Variants in EIF2AK2 observed in about 807,000 individuals in gnomAD.
EIF2AK2 encodes interferon-induced, double-stranded RNA-activated protein kinase.
Under a neutral mutation model 70.5 loss-of-function variants are expected in EIF2AK2, and 40 were observed. The observed-to-expected ratio is 0.57, with a 90% confidence interval of 0.44 to 0.74. The LOEUF (loss-of-function observed/expected upper bound fraction) is 0.74, where lower values mean the gene tolerates loss of function less well. EIF2AK2 is among the 30% of genes least tolerant of loss of function. The pLI, the probability that EIF2AK2 is intolerant of heterozygous loss-of-function variation, is 0.00. For missense variants in EIF2AK2, 555 were observed against 644.3 expected (o/e 0.86, Z 1.50); for synonymous variants, 198 against 220.9 (o/e 0.90, Z 0.92).
chr2:37,124,003 T>A (rs1490046324), intron 11 of EIF2AK2, among the ~76,000 whole-genome samples: 1 of 151,240 alleles, frequency 6.6e-6, no homozygotes, highest in African/African-American at 2.5e-5. Context: ...AGGGTCTCAC[T>A]CTGTCACCCA....
chr2:37,135,408 C>T, intron 10 of EIF2AK2, 76 bp downstream of exon 10: 1 of 1,176,130 alleles, frequency 8.5e-7, no homozygotes. Context: ...GGATCATGGC[C>T]ATTTCACAGA....
At chr2:37,144,825 A>G (rs1003566992) in intron 4 of EIF2AK2, among the ~76,000 whole-genome samples, 1 of 151,514 alleles carries the variant, frequency 6.6e-6, no homozygotes, top group South Asian at 2.1e-4. Flanking sequence ...CAAGTGATCC[A>G]CCTACCTTGA....
intron 1 of EIF2AK2, among the ~76,000 whole-genome samples, chr2:37,154,666 T>A (rs1675859887): frequency 6.6e-6 from 1 of 152,066 alleles, no homozygotes; most frequent in East Asian, 1.9e-4. Context: ...GTTCAAGCGA[T>A]TCTCCTGCCT....
chr2:37,150,121 T>A (rs1357633262), intron 1 of EIF2AK2, among the ~76,000 whole-genome samples: 1 of 147,950 alleles, frequency 6.8e-6, no homozygotes, highest in Non-Finnish European at 1.5e-5. Context: ...AAGATAAATA[T>A]GTCCCAGAGG....
At chr2:37,129,015 G>A (rs914204025) in intron 10 of EIF2AK2, among the ~76,000 whole-genome samples, 2 of 151,890 alleles carry the variant, frequency 1.3e-5, no homozygotes, top group African/African-American at 2.4e-5. Context: ...TCTAGAGAAG[G>A]TCAAACTTTT....
At chr2:37,151,040 G>A (rs1675723661) in intron 1 of EIF2AK2, among the ~76,000 whole-genome samples, 1 of 152,168 alleles carries the variant, frequency 6.6e-6, no homozygotes, top group Non-Finnish European at 1.5e-5. Context: ...TGGATTTGGT[G>A]ATAAAATTTT....
rs1673815504 is a variant in EIF2AK2 at position 37,101,037 on chromosome 2, A to C, written c.*6236T>G. The C allele has an allele frequency of 3.3e-5, 5 of 152,186 alleles. No homozygotes were observed. Among genetic ancestry groups the C allele is most frequent in the Admixed American group, 3.3e-4 (5 of 15,278 alleles). 9.4% of individuals were successfully genotyped at this position (152,186 alleles called of 1,614,324 possible). A position where few individuals can be genotyped will look rare whatever the true frequency, so the allele number is the denominator to read the frequency against. On this transcript the variant is annotated 3_prime_UTR_variant, in exon 17 of 17. Transcript: ENST00000233057. The stretch of plus-strand genomic sequence containing the variant: ...TAATCTTTGATGCTTACCTTTCCTT[A>C]ATCCCCACATCCAATTAGTTGCCAA...
Position 37,149,148 on chromosome 2 carries a change from G to A in EIF2AK2, c.-183-125C>T, listed in dbSNP as rs2254958. Reference sequence around the variant, plus strand: ...CCTGATTTTTATTGGGATGGACCTCGATGCCTCGATGAAGATTGTTTAGGA... The same window carrying A: ...CCTGATTTTTATTGGGATGGACCTCAATGCCTCGATGAAGATTGTTTAGGA... On this transcript the variant is annotated intron_variant, in intron 1 of 16. Coordinates refer to ENST00000233057, the MANE Select transcript of EIF2AK2 (RefSeq NM_001135651.3). The A allele has an allele frequency of 0.4, 381,266 of 949,826 alleles. 83,223 individuals are homozygous for A. The highest frequency in any genetic ancestry group is 0.8 in the East Asian group (33,343 of 41,880). 58.8% of individuals were successfully genotyped at this position (949,826 alleles called of 1,614,324 possible).
intron 11 of EIF2AK2, 147 bp downstream of exon 11, chr2:37,126,142 C>A (rs1674720583): frequency 2.8e-6 from 3 of 1,088,628 alleles, no homozygotes; most frequent in Non-Finnish European, 3.7e-6. Context: ...TCGGAGTAAG[C>A]CAAACTCCTC....
At chr2:37,133,529 C>T (rs1050465698) in intron 10 of EIF2AK2, among the ~76,000 whole-genome samples, 6 of 152,180 alleles carry the variant, frequency 3.9e-5, no homozygotes, top group African/African-American at 1.4e-4. Context: ...CCTCACTACA[C>T]CCACAGCAGC....
At chr2:37,121,612 G>T (rs1029116624) in intron 12 of EIF2AK2, among the ~76,000 whole-genome samples, 4 of 147,696 alleles carry the variant, frequency 2.7e-5, no homozygotes, top group Admixed American at 6.7e-5. Context: ...TAAATTGGAG[G>T]CTTGATTTTT....
rs1572992397 is a variant in EIF2AK2, at chr2:37,104,631, T to C, written c.*2642A>G. On this transcript the variant is annotated 3_prime_UTR_variant, in exon 17 of 17. Transcript: ENST00000233057. ...CTACTGCGTCCAGCTTTTGTCTTTT[T>C]AAATATCCAGAATACAATAAAGATT... The C allele has an allele frequency of 6.6e-6, 1 of 152,214 alleles. No individual in the cohort carries two copies. Among genetic ancestry groups the C allele is most frequent in the South Asian group, 2.1e-4 (1 of 4,818 alleles). 9.4% of individuals were successfully genotyped at this position (152,214 alleles called of 1,614,324 possible).
At chr2:37,132,533 G>A (rs944292775) in intron 10 of EIF2AK2, among the ~76,000 whole-genome samples, 4 of 152,192 alleles carry the variant, frequency 2.6e-5, no homozygotes, top group East Asian at 1.9e-4. Flanking sequence ...AGATTGCAGT[G>A]AGCTGAGATC....
chr2:37,135,359 C>G, intron 10 of EIF2AK2, 125 bp downstream of exon 10: 1 of 752,250 alleles, frequency 1.3e-6, no homozygotes. Context: ...TTGTTCTTAC[C>G]CTGCGTAGTT....
chr2:37,153,017 A>C (rs546164717), intron 1 of EIF2AK2, among the ~76,000 whole-genome samples: 16 of 152,272 alleles, frequency 1.1e-4, no homozygotes, highest in Non-Finnish European at 2.1e-4. Context: ...GTCTACACTT[A>C]CCATCCTAGT....
chr2:37,156,456 T>C (rs918231695), intron 1 of EIF2AK2, among the ~76,000 whole-genome samples: 2 of 151,980 alleles, frequency 1.3e-5, no homozygotes, highest in African/African-American at 2.4e-5. Context: ...GGCCAGGCAA[T>C]TGGGAAACTA....
rs187900382 is a variant in EIF2AK2, at chr2:37,115,906, T to A, written c.1249-1047A>T. On this transcript the variant is annotated intron_variant, in intron 13 of 16. Transcript: ENST00000233057. ...TTTAAGGGAGGTGTTTTGTTTTGTT[T>A]TGTTTTGTAAGATGGAGCCTCGCTC... Among the ~76,000 whole-genome samples, 166 of 152,262 alleles carry A rather than the reference T, an allele frequency of 1.1e-3. No individual in the cohort carries two copies. In the Middle Eastern group the frequency reaches 0.024, roughly 22 times the overall value.
chr2:37,139,724 T>A lies in EIF2AK2; in HGVS notation c.423A>T (p.Glu141Asp), dbSNP rs748669301. 3.1e-6 allele frequency: 5 copies of A among 1,612,900 alleles called. No homozygotes were observed. The highest frequency in any genetic ancestry group is 4.2e-6 in the Non-Finnish European group (5 of 1,179,664). The change falls in exon 6 of 17, where the codon GAA (glutamate) becomes GAT (aspartate). Residue 141 changes from glutamate to aspartate, a missense_variant. Around this residue, in one of 3 missense-constraint regions of EIF2AK2, gnomAD observed 208 missense variants for 191.8 expected, o/e 1.08. Coordinates refer to ENST00000233057, the MANE Select transcript of EIF2AK2 (RefSeq NM_001135651.3). ...TAGTAGAACCTGTACCAATACTATATTCTTTCTGTCCCATTTTGCATTTAT... is the reference window on the plus strand; with the variant it reads ...TAGTAGAACCTGTACCAATACTATAATCTTTCTGTCCCATTTTGCATTTAT... ...FHYKCKMGQK[E>D]YSIGTGSTKQ...
intron 8 of EIF2AK2, among the ~76,000 whole-genome samples, chr2:37,137,448 G>A (rs1299451974): frequency 6.6e-6 from 1 of 152,126 alleles, no homozygotes; most frequent in Non-Finnish European, 1.5e-5. Flanking sequence ...GCCTGCTTAT[G>A]TGCACAAAAA....
Sources: gnomAD v4.1 joint callset for allele counts (sites outside exome capture counted in the v4.1 genomes callset) on GRCh38, gnomAD v4.1.1 for gene constraint, gnomAD v4.1.1 regional missense constraint, MANE v1.5 for transcripts, NCBI Gene and HGNC (gene_info 2026-07-23, HGNC 2026-07-21) for gene names.